SHC4: variants seen among roughly 807,000 people sequenced by gnomAD.
SHC4 encodes the protein SHC-transforming protein 4.
SHC4 carries 41 observed loss-of-function variants against 69.4 expected under a neutral mutation model. That is an observed-to-expected ratio of 0.59 (90% CI 0.46 to 0.77). SHC4 has a LOEUF of 0.77. SHC4 is among the 30% of genes least tolerant of loss of function. SHC4 has a pLI of 0.00. For missense variants in SHC4, 777 were observed against 783.8 expected (o/e 0.99, Z 0.10); for synonymous variants, 318 against 299.3 (o/e 1.06, Z -0.64).
intron 1 of SHC4, among the ~76,000 whole-genome samples, chr15:48,940,677 C>G (rs1901158528): frequency 6.6e-6 from 1 of 152,148 alleles, no homozygotes; most frequent in Non-Finnish European, 1.5e-5. Context: ...TAGGACTTTG[C>G]ATGTTCAATG....
At chr15:48,829,010 T>C (rs367595826) in intron 11 of SHC4, among the ~76,000 whole-genome samples, 45 of 152,308 alleles carry the variant, frequency 3.0e-4, no homozygotes, top group African/African-American at 1.0e-3. Context: ...TGCAGAAGCT[T>C]TTTAGTTTAA....
intron 1 of SHC4, among the ~76,000 whole-genome samples, chr15:48,943,521 T>C (rs1466085829): frequency 6.6e-6 from 1 of 152,198 alleles, no homozygotes; most frequent in Non-Finnish European, 1.5e-5. Flanking sequence ...CTTTGGTTGT[T>C]TCCATATCTT....
chr15:48,855,535 A>G (rs1899296228), intron 8 of SHC4, among the ~76,000 whole-genome samples: 1 of 152,102 alleles, frequency 6.6e-6, no homozygotes, highest in South Asian at 2.1e-4. Flanking sequence ...ACCAATAGAG[A>G]AAGAGTGAAG....
At chr15:48,951,218 A>G (rs1901360088) in intron 1 of SHC4, among the ~76,000 whole-genome samples, 1 of 152,092 alleles carries the variant, frequency 6.6e-6, no homozygotes, top group Admixed American at 6.5e-5. Context: ...CAGCAGGTGT[A>G]CAATGGGACT....
chr15:48,883,216 A>G (rs1899975723), intron 4 of SHC4, among the ~76,000 whole-genome samples: 1 of 152,170 alleles, frequency 6.6e-6, no homozygotes, highest in Non-Finnish European at 1.5e-5. Flanking sequence ...TGACTGGCAC[A>G]TGCTATATAA....
intron 1 of SHC4, among the ~76,000 whole-genome samples, chr15:48,937,262 T>C (rs1410903561): frequency 2.0e-5 from 3 of 152,186 alleles, no homozygotes; most frequent in African/African-American, 4.8e-5. Context: ...GGGGTCTCAT[T>C]ATGTTGCCCA....
chr15:48,922,334 CAGA>C (rs1900766647), intron 2 of SHC4, among the ~76,000 whole-genome samples: 1 of 152,164 alleles, frequency 6.6e-6, no homozygotes, highest in Admixed American at 6.5e-5. Context: ...GGTGAATGAA[CAGA>C]AGATTAGTCA....
At chr15:48,919,520 C>T (rs1258279301) in intron 2 of SHC4, among the ~76,000 whole-genome samples, 1 of 151,658 alleles carries the variant, frequency 6.6e-6, no homozygotes, top group South Asian at 2.1e-4. Flanking sequence ...AACTCCAAGA[C>T]TCAAATGATT....
At chr15:48,950,008 A>T (rs984718561) in intron 1 of SHC4, among the ~76,000 whole-genome samples, 1 of 142,522 alleles carries the variant, frequency 7.0e-6, no homozygotes, top group East Asian at 2.0e-4. Flanking sequence ...TAATATTATT[A>T]AAATATTTAT....
intron 2 of SHC4, among the ~76,000 whole-genome samples, chr15:48,918,134 G>A (rs1416751234): frequency 6.6e-6 from 1 of 152,138 alleles, no homozygotes; most frequent in Admixed American, 6.5e-5. Context: ...ACAAAATACA[G>A]TTTTTTCTTG....
At chr15:48,928,598 AG>A (rs1900898432) in intron 1 of SHC4, among the ~76,000 whole-genome samples, 1 of 152,134 alleles carries the variant, frequency 6.6e-6, no homozygotes. Context: ...CAATGAGGAG[AG>A]GAATTTTTAG....
chr15:48,854,564 A>T (rs938333685), intron 8 of SHC4, among the ~76,000 whole-genome samples: 1 of 152,252 alleles, frequency 6.6e-6, no homozygotes, highest in Non-Finnish European at 1.5e-5. Context: ...CATGGAATCA[A>T]TCTAGATGCC....
Position 48,827,285 on chromosome 15 carries a change from TTAGA to T in SHC4, c.1738-1163_1738-1160del, listed in dbSNP as rs997806256. 1.3e-3 allele frequency among the ~76,000 whole-genome samples: 194 copies of T among 152,314 alleles called. 1 individual carries two copies. Among genetic ancestry groups the T allele is most frequent in the African/African-American group, 4.3e-3 (179 of 41,562 alleles). On this transcript the variant is annotated intron_variant, in intron 11 of 11. Transcript: ENST00000332408. ...ATATAATTTGAATATGGACTATGAC[TTAGA>T]TAGTATTGTACAAATGTTAAGTTTC...
intron 1 of SHC4, among the ~76,000 whole-genome samples, chr15:48,927,358 A>G: frequency 6.6e-6 from 1 of 152,118 alleles, no homozygotes; most frequent in Non-Finnish European, 1.5e-5. Context: ...CAATACCCCC[A>G]GGAGGTCTTG....
At chr15:48,923,148 A>G (rs1595758869) in intron 2 of SHC4, among the ~76,000 whole-genome samples, 1 of 152,252 alleles carries the variant, frequency 6.6e-6, no homozygotes, top group East Asian at 1.9e-4. Context: ...TGAATGCATC[A>G]TAAGGCAGAG....
intron 2 of SHC4, among the ~76,000 whole-genome samples, chr15:48,897,502 A>G (rs1900243333): frequency 1.3e-5 from 2 of 148,508 alleles, no homozygotes; most frequent in African/African-American, 5.0e-5. Context: ...TCTGGAAGCA[A>G]TGTCGCCACA....
At chr15:48,912,959 C>T (rs1170452103) in intron 2 of SHC4, among the ~76,000 whole-genome samples, 1 of 137,768 alleles carries the variant, frequency 7.3e-6, no homozygotes, top group East Asian at 2.5e-4. Flanking sequence ...GGTCTCTCAG[C>T]TGTGGATACC....
At chr15:48,856,808 T>G (rs1456030336) in intron 7 of SHC4, among the ~76,000 whole-genome samples, 3 of 151,330 alleles carry the variant, frequency 2.0e-5, no homozygotes, top group Non-Finnish European at 4.4e-5. Flanking sequence ...AAATCAAGTC[T>G]ATTTGGATTG....
chr15:48,895,665 C>T (rs1595748701), intron 2 of SHC4, among the ~76,000 whole-genome samples: 1 of 152,040 alleles, frequency 6.6e-6, no homozygotes, highest in South Asian at 2.1e-4. Context: ...TGCACTCACA[C>T]GCTCACTCAG....
Sources: gnomAD v4.1 joint callset for allele counts (sites outside exome capture counted in the v4.1 genomes callset) on GRCh38, gnomAD v4.1.1 for gene constraint, MANE v1.5 for transcripts, NCBI Gene and HGNC (gene_info 2026-07-23, HGNC 2026-07-21) for gene names.